IYD: variants seen among roughly 807,000 people sequenced by gnomAD.
IYD encodes the protein iodotyrosine deiodinase.
A neutral mutation model predicts 28.4 loss-of-function variants in IYD; 25 were observed. The observed-to-expected ratio is 0.88, with a 90% confidence interval of 0.64 to 1.23. The LOEUF is 1.23. Ranked by LOEUF, IYD falls within the 50% of genes most tolerant of loss-of-function variation. The pLI, the probability that IYD is intolerant of heterozygous loss-of-function variation, is 0.00. For missense variants in IYD, 352 were observed against 357.9 expected (o/e 0.98, Z 0.13); for synonymous variants, 140 against 130.8 (o/e 1.07, Z -0.48).
intron 3 of IYD, among the ~76,000 whole-genome samples, chr6:150,393,362 A>C (rs1778196134): frequency 6.6e-6 from 1 of 152,224 alleles, no homozygotes. Flanking sequence ...AAGCTGGTTG[A>C]AGTATGGTTA....
chr6:150,369,258 T>C (rs1397738344), intron 1 of IYD, 49 bp downstream of exon 1: 2 of 1,571,742 alleles, frequency 1.3e-6, no homozygotes, highest in South Asian at 1.1e-5. Context: ...GTTGTGTTGA[T>C]GATGAGTGTG....
At chr6:150,389,264 A>T (rs1778018891) in intron 1 of IYD, 88 bp from the exon 2 acceptor site, 1 of 946,502 alleles carries the variant, frequency 1.1e-6, no homozygotes, top group Non-Finnish European at 1.7e-6. Flanking sequence ...AACCTTACAC[A>T]TTTAAGCACT....
intron 1 of IYD, among the ~76,000 whole-genome samples, chr6:150,378,734 G>A (rs1483350785): frequency 3.3e-5 from 5 of 152,272 alleles, no homozygotes; most frequent in East Asian, 3.9e-4. Context: ...TCAGTGTGGC[G>A]ATTCCTCAGG....
intron 4 of IYD, chr6:150,395,773 G>T: frequency 1.5e-6 from 1 of 663,698 alleles, no homozygotes; most frequent in South Asian, 1.6e-5. Context: ...TTCCTGGTCA[G>T]GTTTAGAGGT....
intron 4 of IYD, chr6:150,395,718 C>T: frequency 1.4e-6 from 1 of 725,476 alleles, no homozygotes; most frequent in Middle Eastern, 3.6e-4. Flanking sequence ...GTGACTGGGT[C>T]TGATAAGCGC....
At chr6:150,377,339 C>A (rs1777483754) in intron 1 of IYD, among the ~76,000 whole-genome samples, 2 of 152,170 alleles carry the variant, frequency 1.3e-5, no homozygotes, top group African/African-American at 4.8e-5. Flanking sequence ...CTGAGGGCCA[C>A]ATTCCTCGGG....
chr6:150,395,796 G>A, intron 4 of IYD: 1 of 625,326 alleles, frequency 1.6e-6, no homozygotes, highest in Admixed American at 2.5e-5. Context: ...TGATCTGATT[G>A]GAAAAGCTGG....
intron 2 of IYD, 54 bp downstream of exon 2, chr6:150,389,597 C>T (rs1162845604): frequency 7.0e-7 from 1 of 1,429,504 alleles, no homozygotes; most frequent in African/African-American, 1.4e-5. Flanking sequence ...ACTGGTGTGA[C>T]TCCAACAATG....
intron 1 of IYD, among the ~76,000 whole-genome samples, chr6:150,388,635 C>CTTTCTTTCT (rs1554231474): frequency 2.2e-5 from 1 of 46,002 alleles, no homozygotes; most frequent in Admixed American, 2.3e-4. Flanking sequence ...TTTTTGCTTT[C>CTTTCTTTCT]TTTCTTTCTT....
Position 150,403,234 on chromosome 6 carries a change from T to G in IYD, c.*4997T>G, listed in dbSNP as rs1778559206. 6.6e-6 allele frequency: 1 copy of G among 152,250 alleles called. No individual in the cohort carries two copies. Among genetic ancestry groups the G allele is most frequent in the South Asian group, 2.1e-4 (1 of 4,836 alleles). The allele number at this position is 152,250 out of a possible 1,614,324, so 9.4% of individuals were successfully genotyped here. On this transcript the variant is annotated 3_prime_UTR_variant, in exon 5 of 5. Transcript: ENST00000344419. ...CAGTGGATATTATGCCAGAGAGGCA[T>G]GAGAAATATAATTTTATTTTGCTAG...
chr6:150,392,338 G>T lies in IYD; in HGVS notation c.371-7G>T. 6.2e-7 allele frequency: 1 copy of T among 1,612,892 alleles called. No homozygotes were observed. The highest frequency in any genetic ancestry group is 8.5e-7 in the Non-Finnish European group (1 of 1,179,868). On this transcript the variant is annotated splice_region_variant and splice_polypyrimidine_tract_variant and intron_variant, in intron 2 of 4. Transcript: ENST00000344419. ...TTAATTTCTGATTTTAATGGAATGG[G>T]TGACAGGAACAGCCCCGAGTGGGGC...
At position 150,402,026 on chromosome 6, in the gene IYD, G is replaced by A. The variant is rs1404291005; in HGVS notation, c.*3789G>A. 1 of 152,232 alleles carries A rather than the reference G, an allele frequency of 6.6e-6. No individual in the cohort carries two copies. Among genetic ancestry groups the A allele is most frequent in the Non-Finnish European group, 1.5e-5 (1 of 68,048 alleles). The allele number at this position is 152,232 out of a possible 1,614,324, so 9.4% of individuals were successfully genotyped here. ...TGCTGGGTGGTGCCCAAATGCTCCA[G>A]TTCTAATGTATTCCCAGGTGTTGCT... On this transcript the variant is annotated 3_prime_UTR_variant, in exon 5 of 5. Coordinates refer to ENST00000344419, the MANE Select transcript of IYD (RefSeq NM_203395.3).
At chr6:150,388,630 G>GCTTGCTTTCTTTCTTTCTTT (rs1490791585) in intron 1 of IYD, among the ~76,000 whole-genome samples, 21 of 129,406 alleles carry the variant, frequency 1.6e-4, no homozygotes, top group East Asian at 1.2e-3. Flanking sequence ...TGGAGTTTTT[G>GCTTGCTTTCTTTCTTTCTTT]CTTTCTTTCT....
intron 2 of IYD, among the ~76,000 whole-genome samples, chr6:150,392,085 T>C (rs1778141227): frequency 6.6e-6 from 1 of 151,932 alleles, no homozygotes; most frequent in Non-Finnish European, 1.5e-5. Flanking sequence ...GTTGCCAGGC[T>C]AGAATGCAGT....
chr6:150,386,193 T>A (rs1777855796), intron 1 of IYD, among the ~76,000 whole-genome samples: 1 of 152,080 alleles, frequency 6.6e-6, no homozygotes, highest in Non-Finnish European at 1.5e-5. Context: ...TTGAAATTGA[T>A]TTTTAATTCA....
In IYD at chr6:150,401,770, C is replaced by T. The variant is rs180737071; in HGVS notation, c.*3533C>T. 22 of 152,298 alleles carry T rather than the reference C, an allele frequency of 1.4e-4. No individual in the cohort carries two copies. In the East Asian group the frequency reaches 4.2e-3, roughly 29 times the overall value. 9.4% of individuals were successfully genotyped at this position (152,298 alleles called of 1,614,324 possible). A position where few individuals can be genotyped will look rare whatever the true frequency, so the allele number is the denominator to read the frequency against. On this transcript the variant is annotated 3_prime_UTR_variant, in exon 5 of 5. Coordinates refer to ENST00000344419, the MANE Select transcript of IYD (RefSeq NM_203395.3). ...AAAAAATAATGGAATGATTGCATCACTGCGAGGAAGTATACTTAATTAAGA... is the reference window on the plus strand; with the variant it reads ...AAAAAATAATGGAATGATTGCATCATTGCGAGGAAGTATACTTAATTAAGA...
At position 150,390,673 on chromosome 6, in the gene IYD, T is replaced by C. The variant is rs774304904; in HGVS notation, c.370+1130T>C. On this transcript the variant is annotated intron_variant, in intron 2 of 4. Transcript: ENST00000344419. ...TATCCAATGGGAAGGAAGGAACAGT[T>C]TCTTCTGAAATATCCCACCCATGAG... 5.9e-5 allele frequency among the ~76,000 whole-genome samples: 9 copies of C among 152,112 alleles called. No individual in the cohort carries two copies. In the South Asian group the frequency reaches 1.0e-3, roughly 18 times the overall value.
rs541011316 is a variant in IYD, at chr6:150,369,890, G to T, written c.178+681G>T. ...AAGGAGCAGAAGCACCTGGAGGCCT[G>T]GGGCAGGGGTAAGAGAGGAAGTGGA... On this transcript the variant is annotated intron_variant, in intron 1 of 4. Transcript: ENST00000344419. The T allele has an allele frequency of 1.2e-5, 8 of 686,726 alleles. No individual in the cohort carries two copies. The East Asian group carries it at 1.9e-4, about 16-fold the overall frequency. The allele number at this position is 686,726 out of a possible 1,614,324, so 42.5% of individuals were successfully genotyped here. A position where few individuals can be genotyped will look rare whatever the true frequency, so the allele number is the denominator to read the frequency against.
intron 1 of IYD, among the ~76,000 whole-genome samples, chr6:150,373,412 T>C (rs1226620665): frequency 6.6e-6 from 1 of 152,120 alleles, no homozygotes; most frequent in African/African-American, 2.4e-5. Flanking sequence ...AGGGGTGCAC[T>C]CACTCCAGGG....
Sources: gnomAD v4.1 joint callset for allele counts (sites outside exome capture counted in the v4.1 genomes callset) on GRCh38, gnomAD v4.1.1 for gene constraint, MANE v1.5 for transcripts, NCBI Gene and HGNC (gene_info 2026-07-23, HGNC 2026-07-21) for gene names.